METAP1: variants seen among roughly 807,000 people sequenced by gnomAD.
The protein encoded by METAP1 is methionine aminopeptidase 1.
METAP1 carries 28 observed loss-of-function variants against 53.8 expected under a neutral mutation model. The observed-to-expected ratio is 0.52, with a 90% CI of 0.39 to 0.71. The LOEUF (loss-of-function observed/expected upper bound fraction) is 0.71, where lower values mean the gene tolerates loss of function less well. METAP1 is among the 30% of genes least tolerant of loss of function. The pLI is 0.00. For missense variants in METAP1, 389 were observed against 479.8 expected (o/e 0.81, Z 1.77); for synonymous variants, 181 against 165.7 (o/e 1.09, Z -0.71).
intron 5 of METAP1, among the ~76,000 whole-genome samples, chr4:99,039,914 A>T (rs1408183680): frequency 6.6e-6 from 1 of 152,118 alleles, no homozygotes; most frequent in Non-Finnish European, 1.5e-5. Flanking sequence ...TTTAGTAGAT[A>T]CAGGGTTTCA....
intron 8 of METAP1, among the ~76,000 whole-genome samples, chr4:99,046,595 A>T (rs1423487135): frequency 6.6e-6 from 1 of 152,188 alleles, no homozygotes; most frequent in Non-Finnish European, 1.5e-5. Context: ...AACAGGACAG[A>T]GTTCTTAGAC....
intron 9 of METAP1, among the ~76,000 whole-genome samples, chr4:99,052,068 C>G (rs1726755289): frequency 6.6e-6 from 1 of 152,168 alleles, no homozygotes; most frequent in South Asian, 2.1e-4. Context: ...CACAATAAAG[C>G]AAGTCATACA....
intron 1 of METAP1, among the ~76,000 whole-genome samples, chr4:99,018,609 A>G (rs551135033): frequency 6.6e-6 from 1 of 152,332 alleles, no homozygotes; most frequent in African/African-American, 2.4e-5. Context: ...ACAGTAAACC[A>G]TTGATGACTT....
chr4:99,045,971 C>T (rs1256564937), intron 8 of METAP1, among the ~76,000 whole-genome samples: 1 of 152,104 alleles, frequency 6.6e-6, no homozygotes, highest in Non-Finnish European at 1.5e-5. Context: ...TGTAACTATT[C>T]TGTTGGATTT....
chr4:98,996,080 G>T (rs1009949622), intron 1 of METAP1, among the ~76,000 whole-genome samples: 3 of 152,162 alleles, frequency 2.0e-5, no homozygotes, highest in African/African-American at 4.8e-5. Context: ...TCACGCGGGG[G>T]CGGGGGCGCC....
chr4:99,034,188 CCTT>C, intron 2 of METAP1, 39 bp from the exon 3 acceptor site: 1 of 1,187,208 alleles, frequency 8.4e-7, no homozygotes, highest in Non-Finnish European at 1.2e-6. Flanking sequence ...TCCTTTCCCT[CCTT>C]CTCCTCCTTC....
intron 1 of METAP1, among the ~76,000 whole-genome samples, chr4:99,016,415 A>G (rs1276662115): frequency 6.6e-6 from 1 of 152,102 alleles, no homozygotes; most frequent in Admixed American, 6.6e-5. Context: ...CTGGAGGAGG[A>G]GGGGTGCCAC....
chr4:99,035,213 T>C (rs1725338774), intron 3 of METAP1, among the ~76,000 whole-genome samples, 187 bp from the exon 4 acceptor site: 1 of 152,162 alleles, frequency 6.6e-6, no homozygotes, highest in African/African-American at 2.4e-5. Context: ...TCCCCCTTTC[T>C]AAATACCCTG....
intron 9 of METAP1, among the ~76,000 whole-genome samples, 181 bp from the exon 10 acceptor site, chr4:99,057,572 C>A (rs1409072728): frequency 6.6e-6 from 1 of 152,170 alleles, no homozygotes; most frequent in African/African-American, 2.4e-5. Flanking sequence ...TAGGACAATA[C>A]GTGCACCATA....
chr4:99,041,534 T>TAAAA, intron 6 of METAP1, among the ~76,000 whole-genome samples: 1 of 152,152 alleles, frequency 6.6e-6, no homozygotes, highest in African/African-American at 2.4e-5. Flanking sequence ...TCCACATAAA[T>TAAAA]ATTTGTAGTA....
rs200384999 is a variant in METAP1 at position 99,057,763 on chromosome 4, A to C, written c.942A>C (p.Ala314=). 1.2e-5 allele frequency: 19 copies of C among 1,589,460 alleles called. No individual in the cohort carries two copies. The Admixed American group carries it at 2.3e-4, about 19-fold the overall frequency. ...TTTCTTTGATTTCAGAAAATAAAGC[A>C]GTTGGAGTGATGAAGTCGGGCCATG... The part of the protein sequence containing the change: ...PNVPHYAKNK[A]VGVMKSGHVF... Residue 314 remains alanine, a synonymous_variant, in exon 10 of 11, where the codon GCA becomes GCC. Coordinates refer to ENST00000296411, the MANE Select transcript of METAP1 (RefSeq NM_015143.3).
intron 1 of METAP1, chr4:99,023,125 C>G (rs1310860654): frequency 1.1e-6 from 1 of 933,296 alleles, no homozygotes; most frequent in African/African-American, 1.6e-5. Flanking sequence ...GATTCCTCTG[C>G]CTCCGTGTTG....
chr4:99,048,834 C>T lies in METAP1; in HGVS notation c.889C>T (p.His297Tyr). The change falls in exon 9 of 11, where the codon CAC becomes TAC. Residue 297 changes from histidine (H) to tyrosine (Y), a missense_variant. Physicochemically the swap from His to Tyr is moderately conservative, Grantham distance 83. Transcript: ENST00000296411. ...TCGAAGCTATTGTGGGCATGGAATCCACAAGCTTTTTCATACAGCTCCCAA... is the reference window on the plus strand; with the variant it reads ...TCGAAGCTATTGTGGGCATGGAATCTACAAGCTTTTTCATACAGCTCCCAA... ...VVRSYCGHGI[H>Y]KLFHTAPNVP... 1 of 1,613,974 alleles carries T rather than the reference C, an allele frequency of 6.2e-7. No homozygotes were observed. The highest frequency in any genetic ancestry group is 8.5e-7 in the Non-Finnish European group (1 of 1,179,878).
chr4:99,001,683 T>A lies in METAP1; in HGVS notation c.114+5816T>A, dbSNP rs538875078. Among the ~76,000 whole-genome samples, 250 of 152,352 alleles carry A rather than the reference T, an allele frequency of 1.6e-3. 13 individuals are homozygous for A. The South Asian group carries it at 0.051, about 31-fold the overall frequency. ...TTGAATTTAATTTCTTTTCAATTTT[T>A]TACCTTCTGTTTACTCTTCAATAAA... On this transcript the variant is annotated intron_variant, in intron 1 of 10. Transcript: ENST00000296411.
At position 99,041,426 on chromosome 4, in the gene METAP1, A is replaced by G. The variant is rs374557450; in HGVS notation, c.516+300A>G. 1.7e-3 allele frequency among the ~76,000 whole-genome samples: 253 copies of G among 152,216 alleles called. 3 individuals carry two copies. Among genetic ancestry groups the G allele is most frequent in the African/African-American group, 5.5e-3 (229 of 41,528 alleles). ...ATGATTGATTTTATCTGCTTTAAGT[A>G]AATCCTGCCACTACAGACATCAAAT... On this transcript the variant is annotated intron_variant, in intron 6 of 10. Transcript: ENST00000296411.
intron 5 of METAP1, 83 bp downstream of exon 5, chr4:99,039,548 G>T (rs891432773): frequency 3.9e-6 from 3 of 774,148 alleles, no homozygotes; most frequent in Non-Finnish European, 6.4e-6. Context: ...GATTTATAAA[G>T]ATAGCAAATG....
At chr4:99,016,949 T>C (rs968588168) in intron 1 of METAP1, among the ~76,000 whole-genome samples, 3 of 152,228 alleles carry the variant, frequency 2.0e-5, no homozygotes, top group Admixed American at 6.5e-5. Context: ...CTCCCTTCTG[T>C]ATTTTCTTTA....
At chr4:99,012,653 T>TTG (rs1723540336) in intron 1 of METAP1, among the ~76,000 whole-genome samples, 1 of 31,510 alleles carries the variant, frequency 3.2e-5, no homozygotes, top group Admixed American at 2.8e-4. Context: ...TCCCATAAAG[T>TTG]TTTTTTTTTT....
At chr4:99,023,651 G>A in intron 1 of METAP1, 7 of 985,404 alleles carry the variant, frequency 7.1e-6, no homozygotes, top group Non-Finnish European at 7.2e-6. Flanking sequence ...CACTACTTTA[G>A]GATGGTTTGG....
Sources: gnomAD v4.1 joint callset for allele counts (sites outside exome capture counted in the v4.1 genomes callset) on GRCh38, gnomAD v4.1.1 for gene constraint, MANE v1.5 for transcripts, NCBI Gene and HGNC (gene_info 2026-07-23, HGNC 2026-07-21) for gene names.